Variants in GABRR3 observed in about 807,000 individuals in gnomAD.
GABRR3 encodes gamma-aminobutyric acid receptor subunit rho-3.
In GABRR3, 29 loss-of-function variants were observed where a neutral mutation model predicts 43.2. The observed-to-expected ratio is 0.67, with a 90% CI of 0.50 to 0.92. The LOEUF (loss-of-function observed/expected upper bound fraction) is 0.92, where lower values mean the gene tolerates loss of function less well. GABRR3 is among the 40% of genes least tolerant of loss of function. The pLI, the probability that GABRR3 is intolerant of heterozygous loss-of-function variation, is 0.00. For missense variants in GABRR3, 576 were observed against 572.3 expected (o/e 1.01, Z -0.07); for synonymous variants, 206 against 195.9 (o/e 1.05, Z -0.43).
intron 8 of GABRR3, chr3:97,998,582 G>A (rs748710282): frequency 7.9e-5 from 12 of 152,202 alleles, no homozygotes; most frequent in Non-Finnish European, 1.6e-4. Flanking sequence ...GTAATGTGAA[G>A]GGAGGCTATC....
chr3:98,016,201 G>A (rs760349021), intron 4 of GABRR3, among the ~76,000 whole-genome samples: 3 of 152,166 alleles, frequency 2.0e-5, no homozygotes, highest in Non-Finnish European at 4.4e-5. Context: ...GGGGAACACA[G>A]AGCCAAACCA....
chr3:98,017,312 G>T (rs1175759308), intron 4 of GABRR3, among the ~76,000 whole-genome samples: 1 of 152,192 alleles, frequency 6.6e-6, no homozygotes, highest in East Asian at 1.9e-4. Flanking sequence ...AAGGACTCAT[G>T]ATTCGGATTT....
intron 7 of GABRR3, among the ~76,000 whole-genome samples, chr3:98,003,994 C>G (rs1039750286): frequency 6.6e-5 from 10 of 152,090 alleles, no homozygotes; most frequent in African/African-American, 2.4e-4. Context: ...CATCTGCCTC[C>G]ATTAGTTTGC....
intron 3 of GABRR3, among the ~76,000 whole-genome samples, chr3:98,021,491 G>A (rs1706948273): frequency 6.6e-6 from 1 of 152,006 alleles, no homozygotes; most frequent in Non-Finnish European, 1.5e-5. Context: ...CTAAATATAT[G>A]GTACCTACTT....
At chr3:98,007,710 C>A (rs1706738077) in intron 7 of GABRR3, 54 bp downstream of exon 7, 1 of 1,598,702 alleles carries the variant, frequency 6.3e-7, no homozygotes. Flanking sequence ...TGGTGCTTTG[C>A]AAACAGTAGA....
chr3:98,034,683 C>T, intron 2 of GABRR3, 180 bp downstream of exon 2: 1 of 264,396 alleles, frequency 3.8e-6, no homozygotes, highest in Non-Finnish European at 5.9e-6. Context: ...CAAGATATTG[C>T]TCTTTCGGAT....
At chr3:98,014,349 G>A (rs1288368367) in intron 4 of GABRR3, among the ~76,000 whole-genome samples, 1 of 152,078 alleles carries the variant, frequency 6.6e-6, no homozygotes, top group African/African-American at 2.4e-5. Flanking sequence ...GCTTGGGGAA[G>A]TATCATTCAG....
chr3:98,020,262 T>C (rs1706924013), intron 3 of GABRR3, among the ~76,000 whole-genome samples: 1 of 152,120 alleles, frequency 6.6e-6, no homozygotes, highest in African/African-American at 2.4e-5. Context: ...TTATAAAATT[T>C]GTCTAGTAAT....
chr3:97,986,941 G>A, exon 10 of GABRR3: 3 of 1,610,990 alleles, frequency 1.9e-6, no homozygotes, highest in South Asian at 2.2e-5. Flanking sequence ...AACCATCAAA[G>A]GCCATAGCTT....
At chr3:97,994,569 G>A (rs1318911038) in intron 8 of GABRR3, among the ~76,000 whole-genome samples, 2 of 152,120 alleles carry the variant, frequency 1.3e-5, no homozygotes, top group Non-Finnish European at 2.9e-5. Context: ...AAACATACTT[G>A]CTACGTAAAC....
chr3:98,014,924 T>A lies in GABRR3; in HGVS notation c.307-2357A>T, dbSNP rs1416346714. 3.9e-5 allele frequency among the ~76,000 whole-genome samples: 6 copies of A among 152,316 alleles called. 1 individual carries two copies. The East Asian group carries it at 1.2e-3, about 29-fold the overall frequency. ...ACAAAAATAATACACAGAATCTAAA[T>A]TTTAAATTTTAACACTCTGAAAATC... On this transcript the variant is annotated intron_variant, in intron 4 of 9. Coordinates refer to ENST00000621172, the Ensembl canonical transcript of GABRR3.
At chr3:98,015,352 C>T (rs1396579049) in intron 4 of GABRR3, among the ~76,000 whole-genome samples, 1 of 152,086 alleles carries the variant, frequency 6.6e-6, no homozygotes, top group East Asian at 1.9e-4. Context: ...GCCACCACAC[C>T]CAGCTAATTT....
chr3:98,033,376 C>T (rs568129645), intron 2 of GABRR3, among the ~76,000 whole-genome samples: 1 of 152,118 alleles, frequency 6.6e-6, no homozygotes, highest in Non-Finnish European at 1.5e-5. Flanking sequence ...TTCTTCTTTT[C>T]CTTTACATAG....
intron 8 of GABRR3, among the ~76,000 whole-genome samples, chr3:97,995,317 A>G (rs1306144533): frequency 6.6e-6 from 1 of 152,164 alleles, no homozygotes; most frequent in Non-Finnish European, 1.5e-5. Context: ...TTTTTAAGAT[A>G]TAAAACATAG....
chr3:98,025,667 A>G (rs1707005236), exon 3 of GABRR3: 1 of 1,608,566 alleles, frequency 6.2e-7, no homozygotes, highest in South Asian at 1.1e-5. Context: ...TCTTCATTCT[A>G]GTTTCTTGTT....
chr3:98,019,013 C>T (rs775774364), intron 3 of GABRR3, among the ~76,000 whole-genome samples: 12 of 151,464 alleles, frequency 7.9e-5, no homozygotes, highest in South Asian at 4.2e-4. Context: ...GGAAGACTGA[C>T]GCATGAGAAT....
intron 3 of GABRR3, among the ~76,000 whole-genome samples, chr3:98,021,869 A>G (rs1706952723): frequency 1.3e-5 from 2 of 152,228 alleles, no homozygotes; most frequent in Non-Finnish European, 2.9e-5. Flanking sequence ...TAATGCATTT[A>G]AAGTTCATTA....
chr3:98,004,476 A>G (rs1437824121), intron 7 of GABRR3, among the ~76,000 whole-genome samples: 1 of 152,154 alleles, frequency 6.6e-6, no homozygotes, highest in Non-Finnish European at 1.5e-5. Flanking sequence ...ACATTCAGCC[A>G]TTAGATTATG....
rs556154942 is a variant in GABRR3 at position 98,022,888 on chromosome 3, T to C, written c.238+2679A>G. Among the ~76,000 whole-genome samples, 4 of 152,284 alleles carry C rather than the reference T, an allele frequency of 2.6e-5. No homozygotes were observed. The South Asian group carries it at 8.3e-4, about 32-fold the overall frequency. On this transcript the variant is annotated intron_variant, in intron 3 of 9. Transcript: ENST00000621172. Reference sequence around the variant, plus strand: ...TGCATTTTCATTTAAAAAAAATCTTTAAATGTATCTCTAACAGATCAAGCA... The same window carrying C: ...TGCATTTTCATTTAAAAAAAATCTTCAAATGTATCTCTAACAGATCAAGCA...
Sources: allele counts gnomAD v4.1 joint callset (sites outside exome capture counted in the v4.1 genomes callset), GRCh38; gene constraint gnomAD v4.1.1; transcripts MANE v1.5; gene names NCBI Gene and HGNC (gene_info 2026-07-23, HGNC 2026-07-21).